CCSER1: variants seen among roughly 807,000 people sequenced by gnomAD.
CCSER1 encodes the protein coiled-coil serine rich protein 1.
Under a neutral mutation model 82.0 loss-of-function variants are expected in CCSER1, and 41 were observed. That is an observed-to-expected ratio of 0.50 (90% CI 0.39 to 0.65). The LOEUF (loss-of-function observed/expected upper bound fraction) is 0.65. Among genes scored for constraint, CCSER1 ranks in the 30% least tolerant of loss-of-function variants. The probability of loss-of-function intolerance (pLI) is 0.00; values close to 1 mark genes in which losing one functional copy is unlikely to be tolerated. For missense variants in CCSER1, 1,119 were observed against 1,064.2 expected (o/e 1.05, Z -0.72); for synonymous variants, 414 against 383.9 (o/e 1.08, Z -0.92).
At chr4:90,914,281 T>A (rs907978181) in intron 8 of CCSER1, among the ~76,000 whole-genome samples, 4 of 152,166 alleles carry the variant, frequency 2.6e-5, no homozygotes, top group African/African-American at 9.6e-5. Context: ...GAACAGAAAT[T>A]ATAGCAAACT....
At chr4:90,425,645 A>G (rs986169751) in intron 4 of CCSER1, among the ~76,000 whole-genome samples, 4 of 152,188 alleles carry the variant, frequency 2.6e-5, no homozygotes, top group Non-Finnish European at 5.9e-5. Context: ...TTGACCTCTT[A>G]TCATCCATTC....
chr4:90,555,114 ATT>A (rs199775324), intron 5 of CCSER1, among the ~76,000 whole-genome samples: 1 of 150,886 alleles, frequency 6.6e-6, no homozygotes, highest in Non-Finnish European at 1.5e-5. Context: ...CATAAAATTC[ATT>A]TTTTTTTCAT....
At chr4:91,183,163 T>C (rs1051528695) in intron 10 of CCSER1, among the ~76,000 whole-genome samples, 4 of 152,242 alleles carry the variant, frequency 2.6e-5, no homozygotes, top group African/African-American at 9.6e-5. Context: ...AAGTCATCAG[T>C]TGTTCATCTG....
intron 1 of CCSER1, among the ~76,000 whole-genome samples, chr4:90,248,259 A>G (rs575403530): frequency 2.1e-4 from 32 of 152,312 alleles, no homozygotes; most frequent in African/African-American, 7.7e-4. Flanking sequence ...GTGTCACACA[A>G]CAGGTCCTTA....
intron 10 of CCSER1, among the ~76,000 whole-genome samples, chr4:91,189,911 ATTTC>A (rs1734863198): frequency 6.6e-6 from 1 of 152,148 alleles, no homozygotes; most frequent in Non-Finnish European, 1.5e-5. Context: ...AACAGTGAGT[ATTTC>A]TTATAGCAGC....
chr4:90,483,088 A>G (rs1244370011), intron 5 of CCSER1, among the ~76,000 whole-genome samples: 4 of 152,142 alleles, frequency 2.6e-5, no homozygotes, highest in Non-Finnish European at 5.9e-5. Context: ...TAGGATAGTT[A>G]GTTCTTCTTG....
At chr4:90,914,418 C>A (rs1201259918) in intron 8 of CCSER1, among the ~76,000 whole-genome samples, 3 of 152,064 alleles carry the variant, frequency 2.0e-5, no homozygotes, top group African/African-American at 7.2e-5. Context: ...TAAATGAAGG[C>A]AGAAATAAAG....
At chr4:91,099,667 G>A (rs547723976) in intron 10 of CCSER1, among the ~76,000 whole-genome samples, 1 of 152,270 alleles carries the variant, frequency 6.6e-6, no homozygotes, top group South Asian at 2.1e-4. Flanking sequence ...CAAAGCAGGG[G>A]GTGGGGTGGG....
At chr4:91,439,809 G>T (rs1754983605) in intron 10 of CCSER1, among the ~76,000 whole-genome samples, 2 of 152,120 alleles carry the variant, frequency 1.3e-5, no homozygotes, top group African/African-American at 4.8e-5. Context: ...GGCAGGGGTT[G>T]CAATCCTAGT....
intron 10 of CCSER1, among the ~76,000 whole-genome samples, chr4:91,376,317 TATGGCA>T (rs1750409474): frequency 6.6e-6 from 1 of 152,282 alleles, no homozygotes; most frequent in South Asian, 2.1e-4. Flanking sequence ...ACCTAGGCTA[TATGGCA>T]TAGCCTATTG....
At chr4:91,458,794 G>A (rs573371742) in intron 10 of CCSER1, among the ~76,000 whole-genome samples, 4 of 152,048 alleles carry the variant, frequency 2.6e-5, no homozygotes, top group African/African-American at 9.6e-5. Context: ...TATTTTTCCA[G>A]TTGTTCACTG....
intron 1 of CCSER1, among the ~76,000 whole-genome samples, chr4:90,233,819 T>A (rs1455093932): frequency 6.6e-6 from 1 of 152,040 alleles, no homozygotes; most frequent in Non-Finnish European, 1.5e-5. Context: ...TCTATTAATA[T>A]GTTTCAATAT....
At chr4:91,496,449 G>A (rs946188609) in intron 10 of CCSER1, among the ~76,000 whole-genome samples, 22 of 146,580 alleles carry the variant, frequency 1.5e-4, no homozygotes, top group African/African-American at 2.2e-4. Flanking sequence ...TATATTTTTC[G>A]TTGAAATGAG....
chr4:90,943,653 C>T (rs1731855090), intron 9 of CCSER1, among the ~76,000 whole-genome samples: 1 of 151,568 alleles, frequency 6.6e-6, no homozygotes, highest in African/African-American at 2.4e-5. Flanking sequence ...GCCTCAACCT[C>T]CTGGGCTCAA....
intron 3 of CCSER1, among the ~76,000 whole-genome samples, chr4:90,337,187 T>A (rs1190745680): frequency 6.6e-6 from 1 of 152,214 alleles, no homozygotes; most frequent in Non-Finnish European, 1.5e-5. Context: ...TGAAATGTAA[T>A]GCAGTGGGAA....
intron 6 of CCSER1, among the ~76,000 whole-genome samples, chr4:90,713,385 T>G (rs1396248915): frequency 6.6e-6 from 1 of 152,082 alleles, no homozygotes; most frequent in South Asian, 2.1e-4. Context: ...ATGATCTTAT[T>G]TCTCTTTCAC....
intron 5 of CCSER1, 52 bp downstream of exon 5, chr4:90,468,406 G>T (rs907816865): frequency 2.7e-6 from 4 of 1,493,622 alleles, no homozygotes; most frequent in African/African-American, 2.8e-5. Flanking sequence ...TTAGATAACT[G>T]ATAAGAAAAT....
At chr4:90,430,944 T>G (rs759354937) in intron 4 of CCSER1, among the ~76,000 whole-genome samples, 1 of 151,940 alleles carries the variant, frequency 6.6e-6, no homozygotes, top group Non-Finnish European at 1.5e-5. Context: ...ATTTTTAAAA[T>G]GAAGAACAGA....
chr4:90,809,078 G>A (rs2149731594), intron 7 of CCSER1, among the ~76,000 whole-genome samples: 1 of 152,224 alleles, frequency 6.6e-6, no homozygotes, highest in Admixed American at 6.5e-5. Flanking sequence ...AACATTTTGG[G>A]ATGCTGGGGT....
Sources: allele counts gnomAD v4.1 joint callset (sites outside exome capture counted in the v4.1 genomes callset), GRCh38; gene constraint gnomAD v4.1.1; transcripts MANE v1.5; gene names NCBI Gene and HGNC (gene_info 2026-07-23, HGNC 2026-07-21).